The following ESYT2 variants were observed in gnomAD, a reference collection of about 807,000 sequenced individuals.
ESYT2 encodes extended synaptotagmin 2, also known as extended synaptotagmin-2.
A neutral mutation model predicts 107.2 loss-of-function variants in ESYT2; 54 were observed. The ratio of observed to expected loss-of-function variants is 0.50; its 90% CI spans 0.40 to 0.63. The LOEUF is 0.63. Ranked by LOEUF, ESYT2 falls within the 30% of genes least tolerant of loss-of-function variation. The pLI is 0.00. For synonymous variants in ESYT2, 491 were observed against 434.1 expected (o/e 1.13, Z -1.63); for missense variants, 1,020 against 1,094.5 (o/e 0.93, Z 0.96).
intron 1 of ESYT2, among the ~76,000 whole-genome samples, chr7:158,807,944 G>A (rs796270315): frequency 1.2e-4 from 19 of 152,316 alleles, no homozygotes; most frequent in African/African-American, 3.1e-4. Flanking sequence ...GCGCAAACCC[G>A]CAAAAGGATG....
chr7:158,798,124 T>C, intron 2 of ESYT2, 48 bp from the exon 3 acceptor site: 2 of 1,607,116 alleles, frequency 1.2e-6, no homozygotes, highest in Non-Finnish European at 8.5e-7. Context: ...ATATAATGCA[T>C]GACACACACG....
chr7:158,743,819 G>T, intron 16 of ESYT2, 141 bp from the exon 17 acceptor site: 1 of 944,576 alleles, frequency 1.1e-6, no homozygotes, highest in Non-Finnish European at 1.5e-6. Context: ...GGTGGCTCAC[G>T]CCTGTAATTT....
intron 7 of ESYT2, among the ~76,000 whole-genome samples, chr7:158,770,884 A>T (rs1430501239): frequency 2.0e-5 from 3 of 152,138 alleles, no homozygotes; most frequent in Non-Finnish European, 4.4e-5. Flanking sequence ...ATGCAGTGGT[A>T]CAAGTCTATA....
rs537198024 is a variant in ESYT2, at chr7:158,825,968, C to T, written c.330+3121G>A. 6.0e-5 allele frequency among the ~76,000 whole-genome samples: 9 copies of T among 149,982 alleles called. No individual in the cohort carries two copies. In the East Asian group the frequency reaches 1.2e-3, roughly 20 times the overall value. ...AGGAAGTCTAAGTGGGAGGATGCCTCGAGGCCAAAAGTTTGAGACCAGCCT... is the reference window on the plus strand; with the variant it reads ...AGGAAGTCTAAGTGGGAGGATGCCTTGAGGCCAAAAGTTTGAGACCAGCCT... On this transcript the variant is annotated intron_variant, in intron 1 of 22. Coordinates refer to ENST00000275418, the MANE Select transcript of ESYT2 (RefSeq NM_001367773.1).
chr7:158,801,116 C>G (rs1326346137), intron 1 of ESYT2, among the ~76,000 whole-genome samples: 1 of 151,928 alleles, frequency 6.6e-6, no homozygotes, highest in African/African-American at 2.4e-5. Flanking sequence ...CGGCGGCACC[C>G]AAGCCTGCAG....
chr7:158,813,622 T>C (rs55904894), intron 1 of ESYT2, among the ~76,000 whole-genome samples: 1 of 152,194 alleles, frequency 6.6e-6, no homozygotes. Context: ...CCATTGCTAG[T>C]AGACTTGCAC....
rs3828951 is a variant in ESYT2, at chr7:158,753,713, T to C, written c.1420-870A>G. ...CTGGGCCAGGAGAGAAGATGGAACA[T>C]GCGGCCAGGCAGGAATTCACATGAC... is the stretch of plus-strand genomic sequence containing the variant. On this transcript the variant is annotated intron_variant, in intron 13 of 22. Transcript: ENST00000275418. Among the ~76,000 whole-genome samples, 80 of 143,894 alleles carry C rather than the reference T, an allele frequency of 5.6e-4. No individual in the cohort carries two copies. The East Asian group carries it at 0.014, about 25-fold the overall frequency. 94.4% of individuals were successfully genotyped at this position (143,894 alleles called of 152,430 possible). A position where few individuals can be genotyped will look rare whatever the true frequency, so the allele number is the denominator to read the frequency against.
At chr7:158,751,848 G>A (rs138030438) in intron 14 of ESYT2, among the ~76,000 whole-genome samples, 1 of 152,202 alleles carries the variant, frequency 6.6e-6, no homozygotes, top group Non-Finnish European at 1.5e-5. Context: ...GCAAAGAAGA[G>A]TGTTGATGTA....
intron 15 of ESYT2, among the ~76,000 whole-genome samples, chr7:158,748,789 A>G (rs1026614008): frequency 6.6e-6 from 1 of 150,462 alleles, no homozygotes; most frequent in African/African-American, 2.4e-5. Flanking sequence ...GCGCAATCTC[A>G]GCTCACTGCA....
chr7:158,802,430 G>A (rs1386896233), intron 1 of ESYT2, among the ~76,000 whole-genome samples: 1 of 152,118 alleles, frequency 6.6e-6, no homozygotes, highest in South Asian at 2.1e-4. Flanking sequence ...ACAGGTGCCC[G>A]CCACCACAAG....
In ESYT2 at chr7:158,732,485, G is replaced by C. The variant is rs554254779; in HGVS notation, c.*1722C>G. 1 of 152,158 alleles carries C rather than the reference G, an allele frequency of 6.6e-6. No individual in the cohort carries two copies. The highest frequency in any genetic ancestry group is 1.5e-5 in the Non-Finnish European group (1 of 68,034). 9.4% of individuals were successfully genotyped at this position (152,158 alleles called of 1,614,324 possible). Reference sequence around the variant, plus strand: ...GTCATTCAGCAGGAGGGAATATACTGGTCTTTATGATTACATGAAATATGC... The same window carrying C: ...GTCATTCAGCAGGAGGGAATATACTCGTCTTTATGATTACATGAAATATGC... On this transcript the variant is annotated 3_prime_UTR_variant, in exon 23 of 23. Transcript: ENST00000275418.
chr7:158,812,635 C>T (rs1584881125), intron 1 of ESYT2, among the ~76,000 whole-genome samples: 1 of 152,276 alleles, frequency 6.6e-6, no homozygotes, highest in East Asian at 1.9e-4. Context: ...CAAACAAAAA[C>T]GTGTACATGA....
intron 1 of ESYT2, among the ~76,000 whole-genome samples, chr7:158,812,475 T>C (rs756260855): frequency 1.3e-5 from 2 of 152,118 alleles, no homozygotes; most frequent in Non-Finnish European, 2.9e-5. Flanking sequence ...TTGGCAAGGA[T>C]GTGGAGGAAT....
intron 6 of ESYT2, among the ~76,000 whole-genome samples, chr7:158,782,964 C>T (rs989306516): frequency 2.0e-5 from 3 of 152,190 alleles, no homozygotes; most frequent in Non-Finnish European, 4.4e-5. Flanking sequence ...ACCAGCAGGG[C>T]CCGATAAAGG....
intron 1 of ESYT2, among the ~76,000 whole-genome samples, chr7:158,801,733 G>T (rs12669084): frequency 0.12 from 17,974 of 151,922 alleles, 1,805 homozygotes; most frequent in East Asian, 0.55. Context: ...ATCATTGTAC[G>T]ATTATTCACG....
At chr7:158,820,223 T>C (rs1286393338) in intron 1 of ESYT2, among the ~76,000 whole-genome samples, 1 of 151,792 alleles carries the variant, frequency 6.6e-6, no homozygotes, top group Admixed American at 6.6e-5. Context: ...TGGGGGAGAG[T>C]CTAGAGAGAT....
Position 158,760,140 on chromosome 7 carries a change from G to C in ESYT2, c.1241C>G (p.Thr414Ser). The C allele has an allele frequency of 1.2e-6, 2 of 1,614,084 alleles. No individual in the cohort carries two copies. The highest frequency in any genetic ancestry group is 1.7e-6 in the Non-Finnish European group (2 of 1,179,944). Residue 414 changes from threonine to serine, a missense_variant, in exon 12 of 23, where the codon ACT (threonine) becomes AGT (serine). Coordinates refer to ENST00000275418, the MANE Select transcript of ESYT2 (RefSeq NM_001367773.1). The stretch of plus-strand genomic sequence containing the variant: ...CTTCCCCTTGGGAACCTCGTCCAGA[G>C]TGAACCACTGAAGAGAAAAAATGTT... ...EKERLLDEWF[T>S]LDEVPKGKLH...
intron 20 of ESYT2, 128 bp from the exon 21 acceptor site, chr7:158,735,736 C>A (rs1256264856): frequency 2.5e-6 from 2 of 808,838 alleles, no homozygotes; most frequent in African/African-American, 1.7e-5. Flanking sequence ...AAACTGAGTT[C>A]TTCTACCTAA....
Position 158,763,182 on chromosome 7 carries a change from T to C in ESYT2, c.1102-17A>G, listed in dbSNP as rs372021440. On this transcript the variant is annotated splice_polypyrimidine_tract_variant and intron_variant, in intron 9 of 22. Transcript: ENST00000275418. ...CACTAAAGCCTAAAACATCAATGGT[T>C]AGTAGTTAAGTGCATTTTTACTAAT... 2 of 1,602,846 alleles carry C rather than the reference T, an allele frequency of 1.2e-6. No homozygotes were observed. The highest frequency in any genetic ancestry group is 2.7e-5 in the African/African-American group (2 of 74,698).
Sources: allele counts gnomAD v4.1 joint callset (sites outside exome capture counted in the v4.1 genomes callset), GRCh38; gene constraint gnomAD v4.1.1; transcripts MANE v1.5; gene names NCBI Gene and HGNC (gene_info 2026-07-23, HGNC 2026-07-21).